IGHMBP2: variants seen among roughly 807,000 people sequenced by gnomAD.
IGHMBP2 encodes immunoglobulin mu DNA binding protein 2, also known as DNA-binding protein SMUBP-2.
In IGHMBP2, 81 loss-of-function variants were observed where a neutral mutation model predicts 96.0. That is an observed-to-expected ratio of 0.84 (90% CI 0.71 to 1.01). The LOEUF (loss-of-function observed/expected upper bound fraction) is 1.01. Among genes scored for constraint, IGHMBP2 ranks in the 50% least tolerant of loss-of-function variants. IGHMBP2 has a pLI of 0.00. For missense variants in IGHMBP2, 1,227 were observed against 1,306.3 expected (o/e 0.94, Z 0.94); for synonymous variants, 557 against 548.9 (o/e 1.01, Z -0.21).
Position 68,911,393 on chromosome 11 carries a change from A to G in IGHMBP2, c.548-47A>G, listed in dbSNP as rs759207147. The G allele has an allele frequency of 2.5e-6, 4 of 1,599,236 alleles. No individual in the cohort carries two copies. The South Asian group carries it at 4.4e-5, about 18-fold the overall frequency. ...ACACTCTCTGAGGAGGAACACCCAC[A>G]GAGCTCCCCAGAGCACCTGAGCCTC... On this transcript the variant is annotated intron_variant, in intron 4 of 14. Transcript: ENST00000255078.
chr11:68,932,460 C>T (rs1442650496), intron 8 of IGHMBP2: 1 of 152,222 alleles, frequency 6.6e-6, no homozygotes, highest in East Asian at 1.9e-4. Context: ...CTCTGCAGCT[C>T]ACCCGGGCAG....
At chr11:68,931,342 C>T (rs149215927) in intron 8 of IGHMBP2, among the ~76,000 whole-genome samples, 226 of 152,246 alleles carry the variant, frequency 1.5e-3, no homozygotes, top group African/African-American at 5.1e-3. Context: ...CCCACCACCT[C>T]AGAAGAGGCC....
intron 1 of IGHMBP2, among the ~76,000 whole-genome samples, chr11:68,904,815 T>TTTTTTTTTTTTTTTA (rs1566422187): frequency 6.7e-6 from 1 of 148,756 alleles, no homozygotes; most frequent in African/African-American, 2.4e-5. Flanking sequence ...TTTTTTTTTT[T>TTTTTTTTTTTTTTTA]TTAGACAGAG....
At chr11:68,917,458 T>C (rs900020433) in intron 6 of IGHMBP2, among the ~76,000 whole-genome samples, 1 of 152,326 alleles carries the variant, frequency 6.6e-6, no homozygotes, top group African/African-American at 2.4e-5. Flanking sequence ...CAAATGCCTG[T>C]GTGCAGGGCA....
rs148296162 is a variant in IGHMBP2, at chr11:68,906,446, A to G, written c.256+208A>G. ...TGGTAGCCATTAGCCATGCGTGGTC[A>G]TCAAATGTTTGAAGTGTGGCTTGTA... On this transcript the variant is annotated intron_variant, in intron 2 of 14. Transcript: ENST00000255078. 2,369 of 609,942 alleles carry G rather than the reference A, an allele frequency of 3.9e-3. 86 individuals are homozygous for G. The East Asian group carries it at 0.061, about 16-fold the overall frequency. 37.8% of individuals were successfully genotyped at this position (609,942 alleles called of 1,614,324 possible). A position where few individuals can be genotyped will look rare whatever the true frequency, so the allele number is the denominator to read the frequency against.
At chr11:68,908,022 C>G (rs552085964) in intron 2 of IGHMBP2, 123 bp from the exon 3 acceptor site, 2 of 863,090 alleles carry the variant, frequency 2.3e-6, no homozygotes, top group Non-Finnish European at 2.0e-6. Context: ...TTAACTGTTA[C>G]TGATTGCATT....
intron 7 of IGHMBP2, among the ~76,000 whole-genome samples, chr11:68,928,427 C>G (rs1043719545): frequency 6.6e-6 from 1 of 152,198 alleles, no homozygotes; most frequent in African/African-American, 2.4e-5. Flanking sequence ...CTCAGTATGT[C>G]TTCATCATGG....
chr11:68,912,507 A>G (rs1027702176), intron 5 of IGHMBP2, among the ~76,000 whole-genome samples: 1 of 112,694 alleles, frequency 8.9e-6, no homozygotes, highest in African/African-American at 3.0e-5. Context: ...ATCTTGGCAC[A>G]TGGAGAGTTT....
chr11:68,936,653 G>A lies in IGHMBP2; in HGVS notation c.2173G>A (p.Gly725Ser), dbSNP rs771844457. 38 of 1,613,826 alleles carry A rather than the reference G, an allele frequency of 2.4e-5. No individual in the cohort carries two copies. The highest frequency in any genetic ancestry group is 3.1e-5 in the Non-Finnish European group (37 of 1,179,992). Residue 725 changes from glycine to serine, a missense_variant, in exon 13 of 15, where the codon GGC becomes AGC. Gly to Ser is a moderately conservative substitution (Grantham distance 56, BLOSUM62 0). This residue lies in a region of IGHMBP2 where 703 missense variants were observed against 770.3 expected (regional missense o/e 0.91). Transcript: ENST00000255078. ...CCCAGAGGGAGTGGAGAGCCAAGATGGCGTGGACCACTTCCGGGCCATGAT... is the reference window on the plus strand; with the variant it reads ...CCCAGAGGGAGTGGAGAGCCAAGATAGCGTGGACCACTTCCGGGCCATGAT... ...GSPEGVESQD[G>S]VDHFRAMIVE...
chr11:68,915,158 G>A lies in IGHMBP2; in HGVS notation c.912+135G>A. 2 of 388,638 alleles carry A rather than the reference G, an allele frequency of 5.1e-6. 1 individual carries two copies. The highest frequency in any genetic ancestry group is 8.5e-5 in the East Asian group (2 of 23,448). The allele number at this position is 388,638 out of a possible 1,614,324, so 24.1% of individuals were successfully genotyped here. A position where few individuals can be genotyped will look rare whatever the true frequency, so the allele number is the denominator to read the frequency against. On this transcript the variant is annotated intron_variant, in intron 6 of 14. Transcript: ENST00000255078. Reference sequence around the variant, plus strand: ...GATTCCTTTAATAATTTTAAAAATTGGGCTGCCCTTTTTTTTTTTTTTTTT... The same window carrying A: ...GATTCCTTTAATAATTTTAAAAATTAGGCTGCCCTTTTTTTTTTTTTTTTT...
At chr11:68,916,339 T>C (rs1006257223) in intron 6 of IGHMBP2, among the ~76,000 whole-genome samples, 15 of 152,152 alleles carry the variant, frequency 9.9e-5, no homozygotes, top group Admixed American at 3.9e-4. Context: ...AGGACACCAG[T>C]CGGCTGGAGA....
intron 6 of IGHMBP2, among the ~76,000 whole-genome samples, chr11:68,917,525 T>G (rs926383554): frequency 6.6e-6 from 1 of 152,194 alleles, no homozygotes; most frequent in Non-Finnish European, 1.5e-5. Context: ...TTTCCAGGAC[T>G]TAAAATGTCT....
chr11:68,904,803 C>CTTTTCTTTTTTTTTT lies in IGHMBP2; in HGVS notation c.86+769_86+770insCTTTTTTTTTTTTTT, dbSNP rs892709461. Among the ~76,000 whole-genome samples the CTTTTCTTTTTTTTTT allele has an allele frequency of 5.6e-3, 676 of 120,944 alleles. 44 individuals are homozygous for CTTTTCTTTTTTTTTT. Among genetic ancestry groups the CTTTTCTTTTTTTTTT allele is most frequent in the East Asian group, 0.025 (111 of 4,420 alleles). The allele number at this position is 120,944 out of a possible 152,430, so 79.3% of individuals were successfully genotyped here. A position where few individuals can be genotyped will look rare whatever the true frequency, so the allele number is the denominator to read the frequency against. ...GTGTAAGTTTCTTTTTTTTCTTTTT[C>CTTTTCTTTTTTTTTT]TTTTTTTTTTTTTTAGACAGAGTCT... On this transcript the variant is annotated intron_variant, in intron 1 of 14. Coordinates refer to ENST00000255078, the MANE Select transcript of IGHMBP2 (RefSeq NM_002180.3).
chr11:68,911,141 A>G (rs1157277237), intron 4 of IGHMBP2, among the ~76,000 whole-genome samples: 1 of 152,026 alleles, frequency 6.6e-6, no homozygotes. Flanking sequence ...TATCATACGT[A>G]CCGTCTACAG....
intron 14 of IGHMBP2, 97 bp downstream of exon 14, chr11:68,938,451 C>T: frequency 9.2e-7 from 1 of 1,084,554 alleles, no homozygotes; most frequent in Non-Finnish European, 1.3e-6. Flanking sequence ...CCAGTCGGAA[C>T]AGTTAGCTCC....
intron 1 of IGHMBP2, among the ~76,000 whole-genome samples, chr11:68,904,999 T>C (rs1313565725): frequency 6.6e-6 from 1 of 152,112 alleles, no homozygotes; most frequent in Non-Finnish European, 1.5e-5. Flanking sequence ...GGTTTCACCA[T>C]GTTGGCCAGG....
intron 13 of IGHMBP2, 28 bp downstream of exon 13, chr11:68,937,119 A>G: frequency 6.3e-7 from 1 of 1,595,808 alleles, no homozygotes; most frequent in Non-Finnish European, 8.5e-7. Context: ...AACTTGGGGC[A>G]GTGTCCCCTC....
In IGHMBP2 at chr11:68,906,096, A is replaced by G; in HGVS notation, c.114A>G (p.Lys38=). ...RRSWQENISL[K]ELQSRGVCLL... The stretch of plus-strand genomic sequence containing the variant: ...CCTGGCAGGAGAACATCTCTCTGAA[A>G]GAGCTCCAGAGCCGAGGCGTGTGTT... The change falls in exon 2 of 15, where the codon AAA becomes AAG. Residue 38 remains lysine, a synonymous_variant. Coordinates refer to ENST00000255078, the MANE Select transcript of IGHMBP2 (RefSeq NM_002180.3). 1 of 1,614,162 alleles carries G rather than the reference A, an allele frequency of 6.2e-7. No individual in the cohort carries two copies. Among genetic ancestry groups the G allele is most frequent in the Non-Finnish European group, 8.5e-7 (1 of 1,180,014 alleles).
rs376709349 is a variant in IGHMBP2 at position 68,935,292 on chromosome 11, G to A, written c.1633-7G>A. The A allele has an allele frequency of 5.6e-6, 9 of 1,613,938 alleles. No homozygotes were observed. The highest frequency in any genetic ancestry group is 2.2e-5 in the South Asian group (2 of 91,048). On this transcript the variant is annotated splice_polypyrimidine_tract_variant and splice_region_variant and intron_variant, in intron 11 of 14. Transcript: ENST00000255078. Reference sequence around the variant, plus strand: ...GTGAGGAAACCACAGCCCGGCTGGTGTTTCAGGTGGACCTGCTCAGACAGA... The same window carrying A: ...GTGAGGAAACCACAGCCCGGCTGGTATTTCAGGTGGACCTGCTCAGACAGA...
Sources: gnomAD v4.1 joint callset for allele counts (sites outside exome capture counted in the v4.1 genomes callset) on GRCh38, gnomAD v4.1.1 for gene constraint, gnomAD v4.1.1 regional missense constraint, MANE v1.5 for transcripts, NCBI Gene and HGNC (gene_info 2026-07-23, HGNC 2026-07-21) for gene names.